The following MMP19 variants were observed in gnomAD, a reference collection of about 807,000 sequenced individuals.
MMP19 encodes the protein matrix metallopeptidase 19, also known as matrix metalloproteinase-19.
A neutral mutation model predicts 46.6 loss-of-function variants in MMP19; 47 were observed. The ratio of observed to expected loss-of-function variants is 1.01; its 90% CI spans 0.80 to 1.29. MMP19 has a LOEUF of 1.29. Among genes scored for constraint, MMP19 ranks in the 50% most tolerant of loss-of-function variants. The pLI is 0.00. For synonymous variants in MMP19, 222 were observed against 248.5 expected (o/e 0.89, Z 1.00); for missense variants, 589 against 643.5 (o/e 0.92, Z 0.92).
At chr12:55,840,632 G>T in intron 4 of MMP19, 35 bp downstream of exon 4, 1 of 1,584,692 alleles carries the variant, frequency 6.3e-7, no homozygotes, top group Non-Finnish European at 8.6e-7. Context: ...TAATCTCAGA[G>T]GTCTATGAGG....
At chr12:55,837,486 C>T (rs1377677662) in intron 8 of MMP19, 69 bp downstream of exon 8, 1 of 1,600,716 alleles carries the variant, frequency 6.2e-7, no homozygotes, top group Non-Finnish European at 8.5e-7. Flanking sequence ...CAAGCGCAAG[C>T]TTTGCTTCTC....
At position 55,838,008 on chromosome 12, in the gene MMP19, C is replaced by A. The variant is rs1565696233; in HGVS notation, c.896-1G>T. ...AAAGCATAGGTCTTCCCACGGGGCCCTGAGCGTAATGGTGTGTCAACAAGT... is the reference window on the plus strand; with the variant it reads ...AAAGCATAGGTCTTCCCACGGGGCCATGAGCGTAATGGTGTGTCAACAAGT... On this transcript the variant is annotated splice_acceptor_variant, in intron 6 of 8. Transcript: ENST00000322569. LOFTEE classifies it high-confidence loss of function. 3 of 1,578,326 alleles carry A rather than the reference C, an allele frequency of 1.9e-6. No homozygotes were observed. Among genetic ancestry groups the A allele is most frequent in the Non-Finnish European group, 2.6e-6 (3 of 1,155,534 alleles).
Position 55,836,042 on chromosome 12 carries a change from G to A in MMP19, c.*994C>T, listed in dbSNP as rs1881188131. On this transcript the variant is annotated 3_prime_UTR_variant, in exon 9 of 9. Transcript: ENST00000322569. ...GTGCCTTCTCTGCTTCTCACCGTGG[G>A]TGGCACTAATTTCCTCCTTAACCAG... 1 of 152,270 alleles carries A rather than the reference G, an allele frequency of 6.6e-6. No individual in the cohort carries two copies. The highest frequency in any genetic ancestry group is 2.1e-4 in the South Asian group (1 of 4,834). The allele number at this position is 152,270 out of a possible 1,614,324, so 9.4% of individuals were successfully genotyped here.
Position 55,837,693 on chromosome 12 carries a change from G to A in MMP19, c.1061-11C>T. ...GCCACACCTTGTCTCCTGAGAGCATGTGAGGAAAGAACAAGTCACCTCTGT... is the reference window on the plus strand; with the variant it reads ...GCCACACCTTGTCTCCTGAGAGCATATGAGGAAAGAACAAGTCACCTCTGT... On this transcript the variant is annotated splice_polypyrimidine_tract_variant and intron_variant, in intron 7 of 8. Transcript: ENST00000322569. 1.2e-6 allele frequency: 2 copies of A among 1,614,160 alleles called. No homozygotes were observed. The highest frequency in any genetic ancestry group is 1.7e-6 in the Non-Finnish European group (2 of 1,180,018).
intron 3 of MMP19, 59 bp from the exon 4 acceptor site, chr12:55,840,941 C>T: frequency 1.3e-6 from 2 of 1,531,566 alleles, no homozygotes; most frequent in Non-Finnish European, 1.8e-6. Context: ...CCCCAGAGAG[C>T]TCCTCTGGGT....
At position 55,836,965 on chromosome 12, in the gene MMP19, G is replaced by T; in HGVS notation, c.*71C>A. The T allele has an allele frequency of 3.7e-6, 5 of 1,366,730 alleles. No homozygotes were observed. Among genetic ancestry groups the T allele is most frequent in the Non-Finnish European group, 5.0e-6 (5 of 1,002,590 alleles). The allele number at this position is 1,366,730 out of a possible 1,614,324, so 84.7% of individuals were successfully genotyped here. The stretch of plus-strand genomic sequence containing the variant: ...TCAGCTATTAGGCCTTAGGCTTCTG[G>T]GGGGGAAATGAAAGGGTGGGTGGTG... On this transcript the variant is annotated 3_prime_UTR_variant, in exon 9 of 9. Coordinates refer to ENST00000322569, the MANE Select transcript of MMP19 (RefSeq NM_002429.6).
chr12:55,836,901 A>G lies in MMP19; in HGVS notation c.*135T>C, dbSNP rs984628867. On this transcript the variant is annotated 3_prime_UTR_variant, in exon 9 of 9. Coordinates refer to ENST00000322569, the MANE Select transcript of MMP19 (RefSeq NM_002429.6). ...AGATCTACGGTCTTGCGCCTGCTAC[A>G]GCACCTGCAAGGTTCTACTGAGCAG... 8.7e-6 allele frequency: 7 copies of G among 805,522 alleles called. No homozygotes were observed. The highest frequency in any genetic ancestry group is 1.2e-5 in the Non-Finnish European group (6 of 513,486). 49.9% of individuals were successfully genotyped at this position (805,522 alleles called of 1,614,324 possible).
At chr12:55,839,835 TAA>T in intron 4 of MMP19, 94 bp from the exon 5 acceptor site, 1 of 1,432,668 alleles carries the variant, frequency 7.0e-7, no homozygotes, top group East Asian at 2.5e-5. Context: ...TGCATACCTT[TAA>T]AATTCCCCCA....
rs766549270 is a variant in MMP19 at position 55,842,855 on chromosome 12, A to C, written c.-25T>G. On this transcript the variant is annotated 5_prime_UTR_variant, in exon 1 of 9. Transcript: ENST00000322569. The stretch of plus-strand genomic sequence containing the variant: ...TGGTCCCACCAGACGAGAGCTCCAG[A>C]GGCTGTCCGTGCCTCTGACCTGAGA... The C allele has an allele frequency of 1.5e-5, 23 of 1,566,738 alleles. No homozygotes were observed. The South Asian group carries it at 2.5e-4, about 17-fold the overall frequency.
chr12:55,838,173 C>T (rs1344938150), intron 6 of MMP19, 166 bp from the exon 7 acceptor site: 1 of 695,094 alleles, frequency 1.4e-6, no homozygotes, highest in African/African-American at 1.8e-5. Context: ...ACAAAGAGGA[C>T]TCAGAATGCT....
rs775673164 is a variant in MMP19 at position 55,842,421 on chromosome 12, A to G, written c.105T>C (p.Tyr35=). 4.3e-6 allele frequency: 7 copies of G among 1,613,116 alleles called. No individual in the cohort carries two copies. The Admixed American group carries it at 1.2e-4, about 27-fold the overall frequency. Residue 35 remains tyrosine, a synonymous_variant, in exon 2 of 9, where the codon TAT becomes TAC. Transcript: ENST00000322569. The part of the protein sequence containing the change: ...EVAPVDYLSQ[Y]GYLQKPLEGS... The stretch of plus-strand genomic sequence containing the variant: ...CTTCTAGAGGCTTCTGTAGGTACCC[A>G]TATTGTGACAGGTAGTCCTATGATG...
chr12:55,841,698 C>T (rs565241835), intron 2 of MMP19, among the ~76,000 whole-genome samples: 4 of 152,248 alleles, frequency 2.6e-5, no homozygotes, highest in Non-Finnish European at 4.4e-5. Context: ...GGATTACAGG[C>T]GTGAGCCACC....
At chr12:55,838,175 C>T in intron 6 of MMP19, 168 bp from the exon 7 acceptor site, 1 of 694,250 alleles carries the variant, frequency 1.4e-6, no homozygotes, top group Non-Finnish European at 2.3e-6. Flanking sequence ...AAAGAGGACT[C>T]AGAATGCTTT....
At chr12:55,838,996 T>C (rs779958167) in intron 5 of MMP19, among the ~76,000 whole-genome samples, 6 of 152,074 alleles carry the variant, frequency 3.9e-5, no homozygotes, top group Non-Finnish European at 8.8e-5. Context: ...TCCTAGGACT[T>C]TGGGAGGCTG....
rs764930861 is a variant in MMP19 at position 55,838,466 on chromosome 12, C to G, written c.895+140G>C. The G allele has an allele frequency of 5.6e-6, 9 of 1,595,378 alleles. No individual in the cohort carries two copies. In the South Asian group the frequency reaches 9.9e-5, roughly 18 times the overall value. On this transcript the variant is annotated intron_variant, in intron 6 of 8. Transcript: ENST00000322569. ...AACTCTCCCTCCCCATGTCACATGT[C>G]TCCTTCCATGGTCATTAATGCCTGG...
chr12:55,840,047 C>T (rs889580216), intron 4 of MMP19: 4 of 331,636 alleles, frequency 1.2e-5, no homozygotes, highest in African/African-American at 8.3e-5. Flanking sequence ...CATAGGCAGC[C>T]AGGGGTGATG....
At chr12:55,839,389 GAAGA>G in intron 5 of MMP19, 103 bp downstream of exon 5, 3 of 1,393,150 alleles carry the variant, frequency 2.2e-6, no homozygotes, top group Non-Finnish European at 2.9e-6. Context: ...GGCTGGAGGA[GAAGA>G]AAGACACTAA....
At chr12:55,841,633 G>C (rs568337115) in intron 2 of MMP19, among the ~76,000 whole-genome samples, 5 of 151,344 alleles carry the variant, frequency 3.3e-5, no homozygotes, top group Non-Finnish European at 7.4e-5. Flanking sequence ...TGCCCAGGTT[G>C]CTGTCAAACT....
chr12:55,836,997 C>T lies in MMP19; in HGVS notation c.*39G>A, dbSNP rs1881262686. 3 of 1,507,264 alleles carry T rather than the reference C, an allele frequency of 2.0e-6. No homozygotes were observed. The highest frequency in any genetic ancestry group is 2.3e-5 in the East Asian group (1 of 43,882). 93.4% of individuals were successfully genotyped at this position (1,507,264 alleles called of 1,614,324 possible). On this transcript the variant is annotated 3_prime_UTR_variant, in exon 9 of 9. Coordinates refer to ENST00000322569, the MANE Select transcript of MMP19 (RefSeq NM_002429.6). ...AATGAAAGGGTGGGTGGTGGAGCCT[C>T]AGGGGTTAATGTCCAAGATTGTGTC...
Sources: allele counts gnomAD v4.1 joint callset (sites outside exome capture counted in the v4.1 genomes callset), GRCh38; gene constraint gnomAD v4.1.1; transcripts MANE v1.5; gene names NCBI Gene and HGNC (gene_info 2026-07-23, HGNC 2026-07-21).